Variants in SNTG2 observed in about 807,000 individuals in gnomAD.
SNTG2 encodes the protein syntrophin gamma 2, also known as gamma-2-syntrophin.
In SNTG2, 74 loss-of-function variants were observed where a neutral mutation model predicts 70.9. The observed-to-expected ratio is 1.04, with a 90% CI of 0.86 to 1.27. The LOEUF (loss-of-function observed/expected upper bound fraction) is 1.27, where lower values mean the gene tolerates loss of function less well. Ranked by LOEUF, SNTG2 falls within the 50% of genes most tolerant of loss-of-function variation. The pLI, the probability that SNTG2 is intolerant of heterozygous loss-of-function variation, is 0.00. For synonymous variants in SNTG2, 278 were observed against 273.8 expected (o/e 1.02, Z -0.15); for missense variants, 717 against 690.7 (o/e 1.04, Z -0.43).
intron 4 of SNTG2, among the ~76,000 whole-genome samples, chr2:1,117,118 C>T (rs1231345658): frequency 6.6e-6 from 1 of 151,808 alleles, no homozygotes; most frequent in Admixed American, 6.6e-5. Flanking sequence ...TACGGGTGCT[C>T]TTGTGTGTAG....
chr2:1,127,691 G>T (rs1177515387), intron 4 of SNTG2, among the ~76,000 whole-genome samples: 1 of 151,890 alleles, frequency 6.6e-6, no homozygotes, highest in Non-Finnish European at 1.5e-5. Flanking sequence ...ATTCCAAGGG[G>T]TGTGTGTGTA....
At chr2:1,079,990 C>T (rs1009726007) in intron 1 of SNTG2, among the ~76,000 whole-genome samples, 4 of 152,238 alleles carry the variant, frequency 2.6e-5, no homozygotes, top group African/African-American at 7.2e-5. Context: ...CTGCTCACCA[C>T]GCATCTGCCA....
intron 1 of SNTG2, among the ~76,000 whole-genome samples, chr2:1,079,381 A>G (rs939273528): frequency 6.6e-6 from 1 of 152,246 alleles, no homozygotes; most frequent in African/African-American, 2.4e-5. Context: ...GTGTGTTAGT[A>G]TAGAAGAAAG....
At chr2:967,756 C>T (rs142804281) in intron 1 of SNTG2, among the ~76,000 whole-genome samples, 43 of 152,280 alleles carry the variant, frequency 2.8e-4, no homozygotes, top group Admixed American at 5.9e-4. Context: ...GTGCCAGGCA[C>T]GGTGGCTCAC....
At chr2:1,293,304 A>C (rs1680065958) in intron 14 of SNTG2, among the ~76,000 whole-genome samples, 1 of 152,016 alleles carries the variant, frequency 6.6e-6, no homozygotes, top group Non-Finnish European at 1.5e-5. Context: ...TGAAGAATCA[A>C]GTTTTGCATC....
In SNTG2 at chr2:1,111,088, A is replaced by T. The variant is rs376044296; in HGVS notation, c.325+12678A>T. Among the ~76,000 whole-genome samples, 18 of 152,342 alleles carry T rather than the reference A, an allele frequency of 1.2e-4. 1 individual carries two copies. In the East Asian group the frequency reaches 3.3e-3, roughly 28 times the overall value. On this transcript the variant is annotated intron_variant, in intron 4 of 16. Transcript: ENST00000308624. ...GGGAGTCCCATTTTCCAATCCCCAG[A>T]TCTAGACAGAGGTACAGCAGATTGA...
At chr2:1,270,343 T>C (rs137985979) in intron 14 of SNTG2, among the ~76,000 whole-genome samples, 14,123 of 152,296 alleles carry the variant, frequency 0.093, 724 homozygotes, top group South Asian at 0.15. Context: ...CTTATAAAAT[T>C]ATATTACATT....
At position 1,222,109 on chromosome 2, in the gene SNTG2, C is replaced by CTCTCTGTCTCTCTCTGTCTCTCTCTG. The variant is rs1675198794; in HGVS notation, c.719+12885_719+12910dup. ...TGTCTCTCTCTGTCTCTCTCTGTCT[C>CTCTCTGTCTCTCTCTGTCTCTCTCTG]TCTCTGTCTCTCTCTGTCTCTCTCT... is the stretch of plus-strand genomic sequence containing the variant. On this transcript the variant is annotated intron_variant, in intron 9 of 16. Transcript: ENST00000308624. Among the ~76,000 whole-genome samples, 2 of 44,530 alleles carry CTCTCTGTCTCTCTCTGTCTCTCTCTG rather than the reference C, an allele frequency of 4.5e-5. 1 individual carries two copies. Among genetic ancestry groups the CTCTCTGTCTCTCTCTGTCTCTCTCTG allele is most frequent in the African/African-American group, 2.1e-4 (2 of 9,620 alleles). 29.2% of individuals were successfully genotyped at this position (44,530 alleles called of 152,430 possible). A position where few individuals can be genotyped will look rare whatever the true frequency, so the allele number is the denominator to read the frequency against.
At chr2:1,284,337 T>C (rs1679682158) in intron 14 of SNTG2, among the ~76,000 whole-genome samples, 1 of 152,222 alleles carries the variant, frequency 6.6e-6, no homozygotes, top group Admixed American at 6.5e-5. Context: ...GCTGTTCAGA[T>C]TCTGGCGGGT....
chr2:1,028,525 A>C (rs1031295510), intron 1 of SNTG2, among the ~76,000 whole-genome samples: 14 of 152,156 alleles, frequency 9.2e-5, no homozygotes, highest in Admixed American at 9.2e-4. Flanking sequence ...TTCCCTCTAG[A>C]CGGGAGGCCT....
intron 8 of SNTG2, among the ~76,000 whole-genome samples, chr2:1,192,845 C>T (rs4567969): frequency 0.088 from 13,371 of 152,178 alleles, 908 homozygotes; most frequent in East Asian, 0.21. Flanking sequence ...AAAATGTGTA[C>T]GTTCACTGTC....
At chr2:1,033,028 C>T (rs575747344) in intron 1 of SNTG2, among the ~76,000 whole-genome samples, 78 of 152,246 alleles carry the variant, frequency 5.1e-4, no homozygotes, top group Middle Eastern at 3.4e-3. Context: ...ATGTCACACA[C>T]TTTTAAACAG....
chr2:1,057,406 G>A (rs567028786), intron 1 of SNTG2, among the ~76,000 whole-genome samples: 2 of 152,234 alleles, frequency 1.3e-5, no homozygotes, highest in Non-Finnish European at 2.9e-5. Flanking sequence ...TTAAGTAGTA[G>A]TAACTCACAC....
chr2:1,314,351 G>A lies in SNTG2; in HGVS notation c.1378-1914G>A, dbSNP rs140521548. On this transcript the variant is annotated intron_variant, in intron 15 of 16. Transcript: ENST00000308624. ...ATGATGGATAATAGGTCCTTTTAAA[G>A]GCAGATGAGACTTACCTGAATCTAA... Among the ~76,000 whole-genome samples, 726 of 152,328 alleles carry A rather than the reference G, an allele frequency of 4.8e-3. 1 individual carries two copies. Among genetic ancestry groups the A allele is most frequent in the Admixed American group, 7.8e-3 (120 of 15,298 alleles).
chr2:1,289,579 T>C (rs1394053766), intron 14 of SNTG2, among the ~76,000 whole-genome samples: 1 of 152,186 alleles, frequency 6.6e-6, no homozygotes, highest in Non-Finnish European at 1.5e-5. Context: ...CAGAAAATAG[T>C]CACGGGCCAT....
intron 1 of SNTG2, among the ~76,000 whole-genome samples, chr2:1,073,441 T>A (rs1663707083): frequency 1.3e-5 from 2 of 152,226 alleles, no homozygotes; most frequent in African/African-American, 4.8e-5. Context: ...TTTTTAGCAA[T>A]AAAGTATTTT....
At chr2:1,143,334 C>T (rs1668875927) in intron 6 of SNTG2, among the ~76,000 whole-genome samples, 1 of 152,146 alleles carries the variant, frequency 6.6e-6, no homozygotes, top group Admixed American at 6.5e-5. Context: ...GCACTCCACT[C>T]ATGCCTTAAA....
At position 1,134,651 on chromosome 2, in the gene SNTG2, T is replaced by C. The variant is rs543177124; in HGVS notation, c.326-2971T>C. The stretch of plus-strand genomic sequence containing the variant: ...CAAGGCCCCACCAGACTCAGGAGCC[T>C]AGCTGGCTTCACCCAGTGGATCCCC... On this transcript the variant is annotated intron_variant, in intron 4 of 16. Transcript: ENST00000308624. Among the ~76,000 whole-genome samples, 12 of 152,286 alleles carry C rather than the reference T, an allele frequency of 7.9e-5. No individual in the cohort carries two copies. In the South Asian group the frequency reaches 8.3e-4, roughly 11 times the overall value.
intron 4 of SNTG2, chr2:1,102,532 T>C (rs917789237): frequency 2.0e-5 from 3 of 152,154 alleles, no homozygotes; most frequent in African/African-American, 7.2e-5. Context: ...GAGGTTTCCT[T>C]TTAGCCTCAG....
Sources: allele counts gnomAD v4.1 joint callset (sites outside exome capture counted in the v4.1 genomes callset), GRCh38; gene constraint gnomAD v4.1.1; transcripts MANE v1.5; gene names NCBI Gene and HGNC (gene_info 2026-07-23, HGNC 2026-07-21).